PDE4B: variants seen among roughly 807,000 people sequenced by gnomAD.
PDE4B encodes phosphodiesterase 4B.
Under a neutral mutation model 82.2 loss-of-function variants are expected in PDE4B, and 20 were observed. That is an observed-to-expected ratio of 0.24 (90% CI 0.17 to 0.35). The LOEUF is 0.35. PDE4B is among the 10% of genes least tolerant of loss of function. PDE4B has a pLI of 1.00. For missense variants in PDE4B, 655 were observed against 907.2 expected (o/e 0.72, Z 3.57); for synonymous variants, 320 against 318.9 (o/e 1.00, Z -0.04).
rs993239164 is a variant in PDE4B, at chr1:66,197,968, G to A, written c.282-49492G>A. ...GTGCTTGAACAGAATAAAGAGAGCA[G>A]GCCAAGGAAATCACACTGCTTTTAA... On this transcript the variant is annotated intron_variant, in intron 3 of 16. Coordinates refer to ENST00000341517, the MANE Select transcript of PDE4B (RefSeq NM_002600.4). Among the ~76,000 whole-genome samples, 4 of 152,144 alleles carry A rather than the reference G, an allele frequency of 2.6e-5. No homozygotes were observed. The South Asian group carries it at 8.3e-4, about 32-fold the overall frequency.
chr1:65,858,561 G>A (rs1340633227), intron 1 of PDE4B, among the ~76,000 whole-genome samples: 1 of 152,152 alleles, frequency 6.6e-6, no homozygotes, highest in Admixed American at 6.6e-5. Context: ...GACATTCGAT[G>A]TTGATTAAAT....
intron 1 of PDE4B, among the ~76,000 whole-genome samples, chr1:65,861,071 G>T (rs2840675): frequency 0.98 from 149,661 of 152,316 alleles, 73,594 homozygotes; most frequent in East Asian, 1. Flanking sequence ...TTTTGTCAAT[G>T]TTGACTTTTG....
chr1:66,058,684 C>A (rs1363308740), intron 3 of PDE4B, among the ~76,000 whole-genome samples: 1 of 152,212 alleles, frequency 6.6e-6, no homozygotes, highest in African/African-American at 2.4e-5. Flanking sequence ...TGTACCTTGG[C>A]CCCTTTTAGT....
chr1:65,923,337 C>T (rs1301843017), intron 3 of PDE4B, among the ~76,000 whole-genome samples: 1 of 152,212 alleles, frequency 6.6e-6, no homozygotes, highest in Non-Finnish European at 1.5e-5. Context: ...GGGCCTTGAA[C>T]ATCTATAGTT....
At chr1:66,372,193 T>A in intron 16 of PDE4B, 120 bp from the exon 17 acceptor site, 1 of 1,008,276 alleles carries the variant, frequency 9.9e-7, no homozygotes, top group Non-Finnish European at 1.5e-6. Flanking sequence ...AATCATGGAA[T>A]CCATTATGAT....
intron 3 of PDE4B, among the ~76,000 whole-genome samples, chr1:66,100,260 C>T (rs1042104066): frequency 6.6e-6 from 1 of 152,044 alleles, no homozygotes; most frequent in Non-Finnish European, 1.5e-5. Flanking sequence ...CTCATGTTGG[C>T]CAGGCTGGTC....
chr1:66,300,403 T>A (rs1240355602), intron 7 of PDE4B, among the ~76,000 whole-genome samples: 1 of 151,918 alleles, frequency 6.6e-6, no homozygotes. Flanking sequence ...GAGAGGAGAG[T>A]GTGGCACCTC....
At chr1:66,301,621 A>G (rs1392796924) in intron 7 of PDE4B, among the ~76,000 whole-genome samples, 1 of 151,848 alleles carries the variant, frequency 6.6e-6, no homozygotes, top group East Asian at 1.9e-4. Flanking sequence ...TTCAGGAAGG[A>G]TTAGAGAAAA....
intron 3 of PDE4B, among the ~76,000 whole-genome samples, chr1:66,165,279 A>G (rs1570379154): frequency 1.3e-5 from 2 of 152,206 alleles, no homozygotes; most frequent in South Asian, 4.1e-4. Context: ...TATTAATACT[A>G]TGATTATTTT....
chr1:65,947,741 G>A (rs900587733), intron 3 of PDE4B, among the ~76,000 whole-genome samples: 2 of 151,790 alleles, frequency 1.3e-5, no homozygotes, highest in Non-Finnish European at 2.9e-5. Flanking sequence ...GATTGCCTGG[G>A]GGCTACCAGA....
At chr1:65,950,827 A>G (rs947430089) in intron 3 of PDE4B, among the ~76,000 whole-genome samples, 1 of 152,080 alleles carries the variant, frequency 6.6e-6, no homozygotes, top group African/African-American at 2.4e-5. Flanking sequence ...TGGTACAACC[A>G]GAAAAGGGAA....
chr1:65,980,015 T>C (rs1024731666), intron 3 of PDE4B, among the ~76,000 whole-genome samples: 6 of 152,100 alleles, frequency 3.9e-5, no homozygotes, highest in Admixed American at 3.9e-4. Flanking sequence ...AAGAGAACCA[T>C]AGAAAGATCT....
chr1:65,998,642 G>A (rs973457013), intron 3 of PDE4B, among the ~76,000 whole-genome samples: 1 of 152,018 alleles, frequency 6.6e-6, no homozygotes, highest in Non-Finnish European at 1.5e-5. Context: ...ACAAATTATG[G>A]TTTATGGAAA....
At chr1:65,868,234 A>G (rs1390856349) in intron 1 of PDE4B, among the ~76,000 whole-genome samples, 17 of 152,226 alleles carry the variant, frequency 1.1e-4, no homozygotes, top group Admixed American at 1.1e-3. Context: ...CTGATGAAAT[A>G]TAGGCATTTC....
chr1:65,899,242 A>C (rs1418992569), intron 1 of PDE4B, among the ~76,000 whole-genome samples: 2 of 152,182 alleles, frequency 1.3e-5, no homozygotes, highest in African/African-American at 4.8e-5. Flanking sequence ...TTGATCAGGA[A>C]AATGCAAATT....
chr1:66,103,906 A>G (rs1217503128), intron 3 of PDE4B, among the ~76,000 whole-genome samples: 1 of 152,054 alleles, frequency 6.6e-6, no homozygotes, highest in Non-Finnish European at 1.5e-5. Flanking sequence ...AATGAAATTA[A>G]GATCGAGAGG....
chr1:65,831,546 G>C lies in PDE4B; in HGVS notation c.-71+38298G>C, dbSNP rs144334669. 2.0e-3 allele frequency among the ~76,000 whole-genome samples: 306 copies of C among 152,212 alleles called. 2 individuals are homozygous for C. Among genetic ancestry groups the C allele is most frequent in the African/African-American group, 6.7e-3 (277 of 41,564 alleles). On this transcript the variant is annotated intron_variant, in intron 1 of 16. Coordinates refer to ENST00000341517, the MANE Select transcript of PDE4B (RefSeq NM_002600.4). ...AATTTTTAGTTTAAAACCTGCTAAA[G>C]GAAACTCTAGGCTCAGTTTATTTCA...
In PDE4B at chr1:65,943,582, C is replaced by T. The variant is rs137902410; in HGVS notation, c.281+24747C>T. On this transcript the variant is annotated intron_variant, in intron 3 of 16. Transcript: ENST00000341517. ...TAGAAATTACACTGAATTTGTAGAT[C>T]ACTTTGGATAGTATGGACATTTTAA... Among the ~76,000 whole-genome samples the T allele has an allele frequency of 5.3e-4, 81 of 152,066 alleles. 4 individuals carry two copies. The highest frequency in any genetic ancestry group is 1.9e-3 in the African/African-American group (79 of 41,524).
intron 3 of PDE4B, among the ~76,000 whole-genome samples, chr1:66,225,455 G>A (rs929415609): frequency 2.0e-5 from 3 of 152,040 alleles, no homozygotes; most frequent in Admixed American, 6.6e-5. Context: ...TTTTATAATG[G>A]GAGTCTTTGA....
Sources: gnomAD v4.1 joint callset for allele counts (sites outside exome capture counted in the v4.1 genomes callset) on GRCh38, gnomAD v4.1.1 for gene constraint, MANE v1.5 for transcripts, NCBI Gene and HGNC (gene_info 2026-07-23, HGNC 2026-07-21) for gene names.